The following ITPR2 variants were observed in gnomAD, a reference collection of about 807,000 sequenced individuals.
The protein encoded by ITPR2 is inositol 1,4,5-trisphosphate receptor type 2.
A neutral mutation model predicts 317.1 loss-of-function variants in ITPR2; 207 were observed. That is an observed-to-expected ratio of 0.65 (90% CI 0.58 to 0.73). The LOEUF (loss-of-function observed/expected upper bound fraction) is 0.73. Among genes scored for constraint, ITPR2 ranks in the 30% least tolerant of loss-of-function variants. ITPR2 has a pLI of 0.00. For missense variants in ITPR2, 2,613 were observed against 3,284.0 expected (o/e 0.80, Z 4.99); for synonymous variants, 1,156 against 1,149.1 (o/e 1.01, Z -0.12).
chr12:26,599,409 A>G, intron 29 of ITPR2, 64 bp from the exon 30 acceptor site: 1 of 1,372,864 alleles, frequency 7.3e-7, no homozygotes, highest in Admixed American at 1.7e-5. Context: ...TACAGTACTT[A>G]GACTAATTGC....
chr12:26,718,180 C>T (rs1314931601), intron 5 of ITPR2, among the ~76,000 whole-genome samples: 2 of 152,150 alleles, frequency 1.3e-5, no homozygotes, highest in African/African-American at 4.8e-5. Flanking sequence ...CCTATTGACC[C>T]GTCCTCTAAG....
intron 32 of ITPR2, among the ~76,000 whole-genome samples, chr12:26,592,126 T>C (rs1945725134): frequency 4.6e-5 from 7 of 152,210 alleles, no homozygotes. Context: ...GAGGTCATTA[T>C]GTTAAGTGAA....
chr12:26,366,146 T>C (rs1939003039), intron 55 of ITPR2, among the ~76,000 whole-genome samples: 1 of 152,154 alleles, frequency 6.6e-6, no homozygotes, highest in Middle Eastern at 3.2e-3. Flanking sequence ...CTTTGCAAAC[T>C]CTAAAGACAT....
At chr12:26,487,407 C>A (rs1437762785) in intron 39 of ITPR2, among the ~76,000 whole-genome samples, 156 bp from the exon 40 acceptor site, 1 of 152,172 alleles carries the variant, frequency 6.6e-6, no homozygotes, top group Non-Finnish European at 1.5e-5. Flanking sequence ...GTTTCTTGTA[C>A]TATTTAATGT....
chr12:26,398,835 AG>A (rs780932029), intron 54 of ITPR2, 40 bp downstream of exon 54: 4 of 1,526,288 alleles, frequency 2.6e-6, no homozygotes, highest in Non-Finnish European at 3.5e-6. Context: ...TCCTGCAAAC[AG>A]TCTATTCATC....
chr12:26,608,403 G>A (rs77199979), intron 26 of ITPR2, among the ~76,000 whole-genome samples: 10,993 of 152,140 alleles, frequency 0.072, 469 homozygotes, highest in Middle Eastern at 0.14. Flanking sequence ...CCTCTCCCCG[G>A]GCCCCCCACC....
Position 26,483,702 on chromosome 12 carries a change from T to G in ITPR2, c.6008A>C (p.Asn2003Thr), listed in dbSNP as rs1312119549. 8.1e-6 allele frequency: 13 copies of G among 1,613,358 alleles called. No individual in the cohort carries two copies. Among genetic ancestry groups the G allele is most frequent in the Non-Finnish European group, 1.0e-5 (12 of 1,179,236 alleles). Residue 2003 changes from asparagine to threonine, a missense_variant, in exon 42 of 57, where the codon AAT (asparagine) becomes ACT (threonine). Around this residue, in one of 9 missense-constraint regions of ITPR2, gnomAD observed 926 missense variants for 1,072.8 expected, o/e 0.86. Coordinates refer to ENST00000381340, the MANE Select transcript of ITPR2 (RefSeq NM_002223.4). The stretch of plus-strand genomic sequence containing the variant: ...GTCATGGATACTTCTGGTTACCTGA[T>G]TTTCATGGCAAGGGCCCTGGCAATA... Reference protein sequence around the residue: ...TEYCQGPCHENQTCIATHESN... With the variant: ...TEYCQGPCHETQTCIATHESN...
At chr12:26,754,445 C>A (rs935429780) in intron 2 of ITPR2, among the ~76,000 whole-genome samples, 2 of 152,210 alleles carry the variant, frequency 1.3e-5, no homozygotes, top group Non-Finnish European at 2.9e-5. Flanking sequence ...AAATCCCGAA[C>A]TTACCAAGGT....
intron 1 of ITPR2, among the ~76,000 whole-genome samples, chr12:26,803,359 CAA>C (rs34175926): frequency 4.1e-4 from 60 of 145,096 alleles, no homozygotes; most frequent in South Asian, 4.3e-4. Flanking sequence ...ATAGTAAGTG[CAA>C]AAAAAAAAAA....
chr12:26,736,111 C>A (rs938495700), intron 2 of ITPR2, among the ~76,000 whole-genome samples: 1 of 152,176 alleles, frequency 6.6e-6, no homozygotes, highest in African/African-American at 2.4e-5. Flanking sequence ...GATATCTATT[C>A]TTTCTGCTCT....
intron 45 of ITPR2, among the ~76,000 whole-genome samples, chr12:26,474,597 T>C (rs1326548352): frequency 6.6e-6 from 1 of 151,456 alleles, no homozygotes; most frequent in East Asian, 1.9e-4. Flanking sequence ...ATCGAGACCA[T>C]CCCGGCTAAA....
Position 26,596,946 on chromosome 12 carries a change from A to G in ITPR2, c.4191T>C (p.Cys1397=), listed in dbSNP as rs1945860811. The change falls in exon 31 of 57, where the codon TGT becomes TGC. Residue 1397 remains cysteine, a synonymous_variant. Transcript: ENST00000381340. ...TGTCGTCCAGCGGGAGAAGGGAATT[A>G]CACTTGATTTCAGTGTAGACATTTT... ...EGKNVYTEIK[C]NSLLPLDDIV... is the part of the protein sequence containing the mutation. 2 of 1,607,916 alleles carry G rather than the reference A, an allele frequency of 1.2e-6. No individual in the cohort carries two copies. Among genetic ancestry groups the G allele is most frequent in the African/African-American group, 2.7e-5 (2 of 74,938 alleles).
intron 24 of ITPR2, among the ~76,000 whole-genome samples, chr12:26,623,191 A>G (rs1268073612): frequency 1.3e-5 from 2 of 152,196 alleles, no homozygotes; most frequent in Admixed American, 1.3e-4. Context: ...TCAGTTGCCC[A>G]TGGTCAACCA....
chr12:26,805,076 C>A (rs540412447), intron 1 of ITPR2, among the ~76,000 whole-genome samples: 2 of 152,256 alleles, frequency 1.3e-5, no homozygotes, highest in African/African-American at 4.8e-5. Context: ...AGACAGTGAT[C>A]ATGACCACAA....
chr12:26,474,586 G>A lies in ITPR2; in HGVS notation c.6342+710C>T, dbSNP rs866924002. Among the ~76,000 whole-genome samples the A allele has an allele frequency of 4.1e-3, 624 of 152,098 alleles. 2 individuals carry two copies. Among genetic ancestry groups the A allele is most frequent in the Middle Eastern group, 0.01 (3 of 294 alleles). ...AGGCGGGCGGATCACGAGGTCAGGA[G>A]ATCGAGACCATCCCGGCTAAAGCGG... On this transcript the variant is annotated intron_variant, in intron 45 of 56. Coordinates refer to ENST00000381340, the MANE Select transcript of ITPR2 (RefSeq NM_002223.4).
chr12:26,684,677 T>G (rs1229126954), intron 11 of ITPR2, among the ~76,000 whole-genome samples: 1 of 152,166 alleles, frequency 6.6e-6, no homozygotes, highest in Non-Finnish European at 1.5e-5. Context: ...TGAAAAGTAA[T>G]AGATTAATTA....
At chr12:26,827,253 C>T (rs1196676638) in intron 1 of ITPR2, among the ~76,000 whole-genome samples, 1 of 151,944 alleles carries the variant, frequency 6.6e-6, no homozygotes, top group Non-Finnish European at 1.5e-5. Flanking sequence ...AAAGCAGGCC[C>T]CTTTGCACTT....
intron 55 of ITPR2, among the ~76,000 whole-genome samples, chr12:26,371,066 A>G (rs937930152): frequency 1.3e-5 from 2 of 152,202 alleles, no homozygotes; most frequent in Admixed American, 1.3e-4. Flanking sequence ...GTCTCCAGGG[A>G]CCAGGATATC....
At chr12:26,769,997 A>G (rs1329732954) in intron 2 of ITPR2, among the ~76,000 whole-genome samples, 1 of 152,238 alleles carries the variant, frequency 6.6e-6, no homozygotes, top group Non-Finnish European at 1.5e-5. Flanking sequence ...TACAAACTTA[A>G]TAATGAATAT....
Sources: allele counts gnomAD v4.1 joint callset (sites outside exome capture counted in the v4.1 genomes callset), GRCh38; gene constraint gnomAD v4.1.1; regional missense constraint gnomAD v4.1.1; transcripts MANE v1.5; gene names NCBI Gene and HGNC (gene_info 2026-07-23, HGNC 2026-07-21).